ELL2: variants seen among roughly 807,000 people sequenced by gnomAD.
ELL2 encodes the protein elongation factor for RNA polymerase II 2, also known as RNA polymerase II elongation factor ELL2.
Under a neutral mutation model 72.8 loss-of-function variants are expected in ELL2, and 21 were observed. The observed-to-expected ratio is 0.29, with a 90% CI of 0.20 to 0.42. ELL2 has a LOEUF of 0.42. Among genes scored for constraint, ELL2 ranks in the 10% least tolerant of loss-of-function variants. ELL2 has a pLI of 1.00. For missense variants in ELL2, 568 were observed against 772.8 expected, an observed-to-expected ratio of 0.73 and a Z score of 3.14; for synonymous variants, 266 against 283.2, an observed-to-expected ratio of 0.94 and a Z score of 0.61.
chr5:95,951,519 G>A (rs374470026), intron 1 of ELL2, among the ~76,000 whole-genome samples: 1 of 152,188 alleles, frequency 6.6e-6, no homozygotes, highest in East Asian at 1.9e-4. Flanking sequence ...TGCAAATAAA[G>A]ATTTGTTTCC....
At chr5:95,920,102 G>A (rs1465139145) in intron 2 of ELL2, among the ~76,000 whole-genome samples, 2 of 151,974 alleles carry the variant, frequency 1.3e-5, no homozygotes, top group Non-Finnish European at 2.9e-5. Context: ...TGCATTCACA[G>A]GTAAAAACTG....
chr5:95,931,795 A>AT (rs1478364341), intron 2 of ELL2, among the ~76,000 whole-genome samples: 5 of 67,972 alleles, frequency 7.4e-5, no homozygotes, highest in Non-Finnish European at 1.7e-4. Flanking sequence ...TGCCCTATCC[A>AT]TAAAAAAAAA....
At chr5:95,914,902 G>A (rs1173250744) in intron 3 of ELL2, among the ~76,000 whole-genome samples, 3 of 152,090 alleles carry the variant, frequency 2.0e-5, no homozygotes, top group Non-Finnish European at 4.4e-5. Context: ...TATTAACATG[G>A]ACCTAGAAGA....
At chr5:95,934,565 A>G (rs949028348) in intron 2 of ELL2, among the ~76,000 whole-genome samples, 2 of 152,124 alleles carry the variant, frequency 1.3e-5, no homozygotes, top group Non-Finnish European at 1.5e-5. Flanking sequence ...AACACCAGCA[A>G]CTCTGCCTGC....
chr5:95,932,378 G>C lies in ELL2; in HGVS notation c.195+10624C>G, dbSNP rs562694125. 7.2e-5 allele frequency among the ~76,000 whole-genome samples: 11 copies of C among 152,240 alleles called. No homozygotes were observed. In the East Asian group the frequency reaches 2.1e-3, roughly 29 times the overall value. ...CTAAAAAGATTTCTAAGGATGGTTA[G>C]GCCATTGGCAAAGCCATCAAATCTA... On this transcript the variant is annotated intron_variant, in intron 2 of 11. Coordinates refer to ENST00000237853, the MANE Select transcript of ELL2 (RefSeq NM_012081.6).
At chr5:95,927,450 T>C (rs190838113) in intron 2 of ELL2, among the ~76,000 whole-genome samples, 444 of 22,942 alleles carry the variant, frequency 0.019, 132 homozygotes, top group African/African-American at 0.16. Context: ...TATATAGACA[T>C]ACACACACAC....
At chr5:95,942,904 G>A in intron 2 of ELL2, 98 bp downstream of exon 2, 1 of 798,546 alleles carries the variant, frequency 1.3e-6, no homozygotes, top group Non-Finnish European at 1.8e-6. Flanking sequence ...AGAATGAGTG[G>A]CTGATTATAA....
At position 95,961,775 on chromosome 5, in the gene ELL2, G is replaced by A. The variant is rs1295228685; in HGVS notation, c.-54C>T. ...CGCCGCTCCGGCTCTAGCCTCCACT[G>A]CGGCCGCGGCTGCTTGGGCTTCTGC... On this transcript the variant is annotated 5_prime_UTR_variant, in exon 1 of 12. Transcript: ENST00000237853. The A allele has an allele frequency of 6.6e-7, 1 of 1,514,334 alleles. No individual in the cohort carries two copies. The highest frequency in any genetic ancestry group is 2.5e-5 in the East Asian group (1 of 39,370). 93.8% of individuals were successfully genotyped at this position (1,514,334 alleles called of 1,614,324 possible).
chr5:95,891,704 TG>T (rs1402420943), intron 9 of ELL2, among the ~76,000 whole-genome samples: 14 of 152,214 alleles, frequency 9.2e-5, no homozygotes, highest in Non-Finnish European at 2.1e-4. Context: ...CCGTGAGTGC[TG>T]AAAGTCAAAG....
In ELL2 at chr5:95,954,271, C is replaced by G. The variant is rs550887751; in HGVS notation, c.147+7304G>C. Among the ~76,000 whole-genome samples the G allele has an allele frequency of 3.9e-5, 6 of 152,268 alleles. No individual in the cohort carries two copies. In the East Asian group the frequency reaches 1.2e-3, roughly 29 times the overall value. The stretch of plus-strand genomic sequence containing the variant: ...ACCAAAATATCACTCACATCTTTAT[C>G]TCTCCTACCCCCAACTCCACTCTCC... On this transcript the variant is annotated intron_variant, in intron 1 of 11. Coordinates refer to ENST00000237853, the MANE Select transcript of ELL2 (RefSeq NM_012081.6).
intron 3 of ELL2, among the ~76,000 whole-genome samples, chr5:95,918,855 G>C (rs966636196): frequency 2.7e-5 from 4 of 149,402 alleles, no homozygotes; most frequent in African/African-American, 9.9e-5. Flanking sequence ...GTGTGGGTGT[G>C]TATATTCTTG....
intron 7 of ELL2, 142 bp from the exon 8 acceptor site, chr5:95,898,952 G>T: frequency 1.8e-6 from 1 of 566,772 alleles, no homozygotes; most frequent in African/African-American, 2.3e-5. Flanking sequence ...CTTTCTTCAT[G>T]CTTAAGCAAA....
chr5:95,903,860 C>T (rs566568932), intron 5 of ELL2, among the ~76,000 whole-genome samples: 7 of 152,314 alleles, frequency 4.6e-5, no homozygotes, highest in Middle Eastern at 3.4e-3. Flanking sequence ...AATCCTACTT[C>T]TTTTCCATCC....
intron 10 of ELL2, 116 bp downstream of exon 10, chr5:95,890,987 C>T: frequency 2.6e-6 from 3 of 1,149,758 alleles, no homozygotes; most frequent in Non-Finnish European, 2.6e-6. Flanking sequence ...AGCAGCGAGG[C>T]TGGTCTGCAA....
At chr5:95,927,420 G>T (rs1179331428) in intron 2 of ELL2, among the ~76,000 whole-genome samples, 13 of 33,594 alleles carry the variant, frequency 3.9e-4, no homozygotes, top group African/African-American at 8.3e-4. Flanking sequence ...TGTGTATATA[G>T]ACATACACAC....
intron 10 of ELL2, among the ~76,000 whole-genome samples, chr5:95,890,663 A>G (rs183127516): frequency 6.6e-6 from 1 of 152,364 alleles, no homozygotes; most frequent in Admixed American, 6.5e-5. Context: ...TCTGTGTATT[A>G]AGCCCTCTTT....
At chr5:95,901,233 T>C (rs1749126466) in intron 5 of ELL2, 153 bp from the exon 6 acceptor site, 1 of 698,628 alleles carries the variant, frequency 1.4e-6, no homozygotes, top group Non-Finnish European at 2.1e-6. Flanking sequence ...TCTCAATAAA[T>C]GCCATTAACT....
At chr5:95,889,173 T>C (rs775905401) in intron 10 of ELL2, 43 bp from the exon 11 acceptor site, 1 of 1,465,326 alleles carries the variant, frequency 6.8e-7, no homozygotes, top group South Asian at 1.2e-5. Flanking sequence ...ACAACTTCTT[T>C]TGTGTGTGGC....
intron 1 of ELL2, among the ~76,000 whole-genome samples, chr5:95,948,376 G>A (rs756016559): frequency 5.7e-5 from 8 of 141,580 alleles, no homozygotes; most frequent in Non-Finnish European, 1.0e-4. Flanking sequence ...CTTGCAGTGA[G>A]CCGAGATGGC....
Sources: gnomAD v4.1 joint callset for allele counts (sites outside exome capture counted in the v4.1 genomes callset) on GRCh38, gnomAD v4.1.1 for gene constraint, MANE v1.5 for transcripts, NCBI Gene and HGNC (gene_info 2026-07-23, HGNC 2026-07-21) for gene names.